KIF22: variants seen among roughly 807,000 people sequenced by gnomAD.
KIF22 encodes the protein kinesin-like protein KIF22.
In KIF22, 62 loss-of-function variants were observed where a neutral mutation model predicts 73.0. The ratio of observed to expected loss-of-function variants is 0.85; its 90% CI spans 0.69 to 1.05. KIF22 has a LOEUF of 1.05. Among genes scored for constraint, KIF22 ranks in the 50% least tolerant of loss-of-function variants. The pLI is 0.00. For synonymous variants in KIF22, 411 were observed against 340.1 expected, an observed-to-expected ratio of 1.21 and a Z score of -2.29; for missense variants, 854 against 870.1, an observed-to-expected ratio of 0.98 and a Z score of 0.23.
Position 29,800,294 on chromosome 16 carries a change from A to G in KIF22, c.1280+246A>G, listed in dbSNP as rs1899094014. ...AACATGGTGAAACCTCATCTCTACT[A>G]AAAAATACAAAAAGTAGCCGGATGT... On this transcript the variant is annotated intron_variant, in intron 8 of 13. Coordinates refer to ENST00000160827, the MANE Select transcript of KIF22 (RefSeq NM_007317.3). The G allele has an allele frequency of 1.6e-5, 5 of 311,914 alleles. No individual in the cohort carries two copies. In the East Asian group the frequency reaches 2.0e-4, roughly 12 times the overall value. The allele number at this position is 311,914 out of a possible 1,614,324, so 19.3% of individuals were successfully genotyped here. A position where few individuals can be genotyped will look rare whatever the true frequency, so the allele number is the denominator to read the frequency against.
In KIF22 at chr16:29,805,352, C is replaced by T; in HGVS notation, c.*42C>T. On this transcript the variant is annotated 3_prime_UTR_variant, in exon 14 of 14. Coordinates refer to ENST00000160827, the MANE Select transcript of KIF22 (RefSeq NM_007317.3). The stretch of plus-strand genomic sequence containing the variant: ...CCGCCTTTTCAAATTTTTGTATAAC[C>T]CCGTGTTGTGTAAATACAGTTTTTG... 1.3e-6 allele frequency: 2 copies of T among 1,593,788 alleles called. No individual in the cohort carries two copies. Among genetic ancestry groups the T allele is most frequent in the Middle Eastern group, 1.7e-4 (1 of 6,032 alleles).
chr16:29,800,394 T>A (rs1196483144), intron 8 of KIF22, among the ~76,000 whole-genome samples: 1 of 150,888 alleles, frequency 6.6e-6, no homozygotes, highest in Admixed American at 6.6e-5. Context: ...GAAGCAGAGG[T>A]TGCAGTGAGC....
Position 29,798,981 on chromosome 16 carries a change from G to C in KIF22, c.556G>C (p.Asp186His). The C allele has an allele frequency of 6.2e-7, 1 of 1,614,138 alleles. No individual in the cohort carries two copies. The highest frequency in any genetic ancestry group is 8.5e-7 in the Non-Finnish European group (1 of 1,179,978). The change falls in exon 5 of 14, where the codon GAC (aspartate) becomes CAC (histidine). Residue 186 changes from aspartate to histidine, a missense_variant. By Grantham distance (81) the Asp-to-His change is moderately conservative (BLOSUM62 -1). Around this residue, in one of 3 missense-constraint regions of KIF22, gnomAD observed 245 missense variants for 351.8 expected, o/e 0.70. Coordinates refer to ENST00000160827, the MANE Select transcript of KIF22 (RefSeq NM_007317.3). This position sits in a 1 kb window ranked among gnomAD's most constrained non-coding sequence, Gnocchi z 4.1. Reference sequence around the variant, plus strand: ...CCCTTCACTGCTTACACAGGTATTAGACCTCCTGGACCCTGCTTCGGGAGA... The same window carrying C: ...CCCTTCACTGCTTACACAGGTATTACACCTCCTGGACCCTGCTTCGGGAGA... ...YLEIYQEKVL[D>H]LLDPASGDLV...
intron 8 of KIF22, among the ~76,000 whole-genome samples, chr16:29,801,628 G>T (rs1447636243): frequency 6.6e-6 from 1 of 152,194 alleles, no homozygotes; most frequent in East Asian, 1.9e-4. Flanking sequence ...CAGACCCAGA[G>T]CTTGGGGGCC....
Position 29,804,994 on chromosome 16 carries a change from G to C in KIF22, c.1858G>C (p.Gly620Arg). The C allele has an allele frequency of 6.2e-7, 1 of 1,610,840 alleles. No homozygotes were observed. The highest frequency in any genetic ancestry group is 1.1e-5 in the South Asian group (1 of 90,864). Residue 620 changes from glycine (G) to arginine (R), a missense_variant, in exon 12 of 14, where the codon GGC becomes CGC. Coordinates refer to ENST00000160827, the MANE Select transcript of KIF22 (RefSeq NM_007317.3). Reference protein sequence around the residue: ...IGPKKAQLIVGWRELHGPFSQ... With the variant: ...IGPKKAQLIVRWRELHGPFSQ... ...CCCGAAGAAGGCCCAGCTAATCGTG[G>C]GCTGGCGGGAGCTCCACGGCCCCTT...
In KIF22 at chr16:29,802,774, T is replaced by G; in HGVS notation, c.1286T>G (p.Leu429Arg). ...PASASQKLSP[L>R]QKLSSMDPAM... ...CAACTTCTTTTTCTGCTCAGCCCCCTACAGAAGCTAAGCAGCATGGACCCG... is the reference window on the plus strand; with the variant it reads ...CAACTTCTTTTTCTGCTCAGCCCCCGACAGAAGCTAAGCAGCATGGACCCG... The change falls in exon 9 of 14, where the codon CTA becomes CGA. Residue 429 changes from leucine (L) to arginine (R), a missense_variant. Around this residue, in one of 3 missense-constraint regions of KIF22, gnomAD observed 423 missense variants for 365.4 expected, o/e 1.16. Transcript: ENST00000160827. 1 of 1,572,810 alleles carries G rather than the reference T, an allele frequency of 6.4e-7. No homozygotes were observed. The highest frequency in any genetic ancestry group is 8.6e-7 in the Non-Finnish European group (1 of 1,164,722).
chr16:29,805,233 G>C, intron 13 of KIF22, 30 bp from the exon 14 acceptor site: 1 of 1,613,932 alleles, frequency 6.2e-7, no homozygotes. Flanking sequence ...CCTCTCTAAC[G>C]TCGCTGTCTC....
chr16:29,799,701 C>CA lies in KIF22; in HGVS notation c.1065dup (p.Val356SerfsTer21). ...CCTGAGAGACGCTTCTACCTAGACACAGTCTCCGCACTCAACTTTGCTGCC... is the reference window on the plus strand; with the variant it reads ...CCTGAGAGACGCTTCTACCTAGACACAAGTCTCCGCACTCAACTTTGCTGCC... On this transcript the variant is annotated frameshift_variant, in exon 7 of 14. Coordinates refer to ENST00000160827, the MANE Select transcript of KIF22 (RefSeq NM_007317.3). LOFTEE classifies it high-confidence loss of function. 6.2e-7 allele frequency: 1 copy of CA among 1,613,858 alleles called. No homozygotes were observed. Among genetic ancestry groups the CA allele is most frequent in the African/African-American group, 1.3e-5 (1 of 75,032 alleles).
intron 11 of KIF22, 132 bp downstream of exon 11, chr16:29,804,197 T>C: frequency 4.1e-6 from 3 of 736,932 alleles, no homozygotes; most frequent in South Asian, 1.5e-5. Context: ...AGACCTCAAC[T>C]TGCTTACCCC....
intron 8 of KIF22, 110 bp downstream of exon 8, chr16:29,800,158 A>G: frequency 1.5e-6 from 2 of 1,317,970 alleles, no homozygotes; most frequent in South Asian, 1.5e-5. Flanking sequence ...TTCCTCTCCC[A>G]TTAAATTCAC....
chr16:29,802,781 G>C lies in KIF22; in HGVS notation c.1293G>C (p.Lys431Asn). ...SASQKLSPLQ[K>N]LSSMDPAMLE... ...TTTTTCTGCTCAGCCCCCTACAGAA[G>C]CTAAGCAGCATGGACCCGGCCATGC... Residue 431 changes from lysine (K) to asparagine (N), a missense_variant, in exon 9 of 14, where the codon AAG becomes AAC. By Grantham distance (94) the Lys-to-Asn change is moderately conservative. Around this residue, in one of 3 missense-constraint regions of KIF22, gnomAD observed 423 missense variants for 365.4 expected, o/e 1.16. Transcript: ENST00000160827. The C allele has an allele frequency of 1.5e-5, 23 of 1,581,088 alleles. No individual in the cohort carries two copies. The highest frequency in any genetic ancestry group is 2.0e-5 in the Non-Finnish European group (23 of 1,168,710).
In KIF22 at chr16:29,803,459, C is replaced by T. The variant is rs1160590654; in HGVS notation, c.1460C>T (p.Thr487Met). 7.4e-6 allele frequency: 12 copies of T among 1,613,934 alleles called. No individual in the cohort carries two copies. The highest frequency in any genetic ancestry group is 1.1e-5 in the South Asian group (1 of 91,080). The change falls in exon 10 of 14, where the codon ACG becomes ATG. Residue 487 changes from threonine (T) to methionine (M), a missense_variant. Thr to Met is a moderately conservative substitution (Grantham distance 81). Around this residue, in one of 3 missense-constraint regions of KIF22, gnomAD observed 423 missense variants for 365.4 expected, o/e 1.16. Coordinates refer to ENST00000160827, the MANE Select transcript of KIF22 (RefSeq NM_007317.3). ...EKDLEIERLKTKQKELEAKML... is the reference protein window; with the variant it reads ...EKDLEIERLKMKQKELEAKML... ...GATCCTTTCCAACAGAGGCTTAAGA[C>T]GAAGCAAAAAGAACTGGAGGCCAAG...
intron 8 of KIF22, among the ~76,000 whole-genome samples, chr16:29,800,834 T>G (rs143714874): frequency 3.5e-4 from 53 of 152,276 alleles, no homozygotes; most frequent in Middle Eastern, 3.4e-3. Flanking sequence ...AAGTCTAAGA[T>G]TAATCTCTCC....
chr16:29,799,193 G>A lies in KIF22; in HGVS notation c.759+9G>A, dbSNP rs746126363. 7.0e-5 allele frequency: 113 copies of A among 1,611,504 alleles called. No individual in the cohort carries two copies. Among genetic ancestry groups the A allele is most frequent in the Non-Finnish European group, 8.7e-5 (103 of 1,178,746 alleles). On this transcript the variant is annotated intron_variant, in intron 5 of 13. Coordinates refer to ENST00000160827, the MANE Select transcript of KIF22 (RefSeq NM_007317.3). ...CTGTGCTCCTGGTCAAGGTGAGGCC[G>A]CAGACAGGGGCGAGGACCTGGGAAG...
In KIF22 at chr16:29,805,368, A is replaced by G; in HGVS notation, c.*58A>G. 6.4e-7 allele frequency: 1 copy of G among 1,565,908 alleles called. No homozygotes were observed. Among genetic ancestry groups the G allele is most frequent in the African/African-American group, 1.3e-5 (1 of 74,102 alleles). ...TTGTATAACCCCGTGTTGTGTAAAT[A>G]CAGTTTTTGCTCCGGTGCTTCCGCC... On this transcript the variant is annotated 3_prime_UTR_variant, in exon 14 of 14. Transcript: ENST00000160827.
intron 8 of KIF22, among the ~76,000 whole-genome samples, chr16:29,801,436 A>G (rs1243960063): frequency 6.6e-6 from 1 of 152,162 alleles, no homozygotes; most frequent in African/African-American, 2.4e-5. Flanking sequence ...TACTGTAGTT[A>G]AGGAAGATGC....
intron 1 of KIF22, among the ~76,000 whole-genome samples, chr16:29,794,512 T>C (rs1043948163): frequency 2.6e-5 from 4 of 152,200 alleles, no homozygotes; most frequent in African/African-American, 9.6e-5. Flanking sequence ...CAGGCCATTT[T>C]ACCTTGAATG....
chr16:29,800,104 G>A, intron 8 of KIF22, 56 bp downstream of exon 8: 1 of 1,543,862 alleles, frequency 6.5e-7, no homozygotes. Flanking sequence ...TAGCAGCAGA[G>A]CTGCAATGCC....
chr16:29,798,674 G>T lies in KIF22; in HGVS notation c.476G>T (p.Arg159Met). The change falls in exon 4 of 14, where the codon AGG becomes ATG. Residue 159 changes from arginine to methionine, a missense_variant. Physicochemically the swap from Arg to Met is moderately conservative, Grantham distance 91. Coordinates refer to ENST00000160827, the MANE Select transcript of KIF22 (RefSeq NM_007317.3). This position sits in a 1 kb window ranked among gnomAD's most constrained non-coding sequence, Gnocchi z 4.1. ...RALMDLLQLT[R>M]EEGAEGRPWA... ...CTCATGGACCTCCTGCAGCTCACAA[G>T]GGAGGAGGGTGCCGAGGGCCGGCCA... The T allele has an allele frequency of 6.2e-7, 1 of 1,614,176 alleles. No homozygotes were observed. Among genetic ancestry groups the T allele is most frequent in the Non-Finnish European group, 8.5e-7 (1 of 1,180,040 alleles).
Sources: allele counts gnomAD v4.1 joint callset (sites outside exome capture counted in the v4.1 genomes callset), GRCh38; gene constraint gnomAD v4.1.1; regional missense constraint gnomAD v4.1.1; non-coding constraint Gnocchi (gnomAD v3.1); transcripts MANE v1.5; gene names NCBI Gene and HGNC (gene_info 2026-07-23, HGNC 2026-07-21).